Variants in DIAPH2 observed in about 807,000 individuals in gnomAD.
The protein encoded by DIAPH2 is diaphanous related formin 2.
In DIAPH2, 35 loss-of-function variants were observed where a neutral mutation model predicts 92.7. The ratio of observed to expected loss-of-function variants is 0.38; its 90% CI spans 0.29 to 0.50. The LOEUF is 0.50. DIAPH2 is among the 20% of genes least tolerant of loss of function. DIAPH2 has a pLI of 0.94. For missense variants in DIAPH2, 701 were observed against 819.5 expected, an observed-to-expected ratio of 0.86 and a Z score of 1.77; for synonymous variants, 301 against 280.4, an observed-to-expected ratio of 1.07 and a Z score of -0.73.
chrX:97,016,578 G>T (rs1329857578), intron 17 of DIAPH2, among the ~76,000 whole-genome samples: 1 of 111,693 alleles, frequency 9.0e-6, no homozygotes, highest in Non-Finnish European at 1.9e-5. Flanking sequence ...GACATGTCAG[G>T]ATATGGAAAG....
At chrX:96,845,026 G>A (rs1414767465) in intron 4 of DIAPH2, among the ~76,000 whole-genome samples, 5 of 111,797 alleles carry the variant, frequency 4.5e-5, no homozygotes, top group Non-Finnish European at 7.5e-5. Context: ...CATATGGGCT[G>A]GTCTCACTTA....
intron 21 of DIAPH2, 75 bp downstream of exon 21, chrX:97,115,040 A>G (rs1050876079): frequency 2.0e-6 from 2 of 990,197 alleles, no homozygotes; most frequent in Admixed American, 6.2e-5. Context: ...GCAAATAGCA[A>G]TCGTACATAA....
At chrX:96,991,603 T>A (rs1036906580) in intron 17 of DIAPH2, among the ~76,000 whole-genome samples, 4 of 108,936 alleles carry the variant, frequency 3.7e-5, no homozygotes, top group Non-Finnish European at 7.6e-5. Context: ...AATATTATTT[T>A]CTCTTTAACT....
intron 23 of DIAPH2, among the ~76,000 whole-genome samples, chrX:97,324,503 TTTTCA>T (rs1224735299): frequency 8.9e-6 from 1 of 112,348 alleles, no homozygotes; most frequent in Non-Finnish European, 1.9e-5. Flanking sequence ...GAATTTTTGC[TTTTCA>T]TCTCATGCGT....
chrX:97,512,111 A>G (rs1388958711), intron 26 of DIAPH2, among the ~76,000 whole-genome samples: 40 of 112,812 alleles, frequency 3.5e-4, no homozygotes, highest in Non-Finnish European at 6.0e-4. Flanking sequence ...TACCTCTGGT[A>G]GAATTCGGCT....
intron 4 of DIAPH2, among the ~76,000 whole-genome samples, chrX:96,769,003 A>G (rs1284195371): frequency 9.0e-6 from 1 of 111,190 alleles, no homozygotes; most frequent in Non-Finnish European, 1.9e-5. Context: ...AGCAGTGGAA[A>G]TTGGAGAGGT....
intron 24 of DIAPH2, among the ~76,000 whole-genome samples, chrX:97,373,535 T>G (rs111872242): frequency 0.018 from 1,885 of 107,505 alleles, 44 homozygotes; most frequent in African/African-American, 0.06. Context: ...TAGGGGGTTA[T>G]TTTTTAAGGT....
intron 16 of DIAPH2, among the ~76,000 whole-genome samples, chrX:96,959,537 G>C (rs1165175922): frequency 8.9e-6 from 1 of 112,111 alleles, no homozygotes; most frequent in Non-Finnish European, 1.9e-5. Context: ...TTGTTGGATA[G>C]TTTGCAGATA....
rs1035163565 is a variant in DIAPH2 at position 97,445,217 on chromosome X, A to C, written c.3241+15472A>C. Reference sequence around the variant, plus strand: ...AACTTCCTGGCAGAGGAAGATGCAAAGCACTGAGAAAATATTATGGGCAAG... The same window carrying C: ...AACTTCCTGGCAGAGGAAGATGCAACGCACTGAGAAAATATTATGGGCAAG... On this transcript the variant is annotated intron_variant, in intron 26 of 26. Coordinates refer to ENST00000324765, the MANE Select transcript of DIAPH2 (RefSeq NM_006729.5). 4.5e-5 allele frequency among the ~76,000 whole-genome samples: 5 copies of C among 111,172 alleles called. No homozygotes were observed. In the Admixed American group the frequency reaches 4.8e-4, roughly 11 times the overall value.
At chrX:97,468,005 G>T (rs2023873914) in intron 26 of DIAPH2, among the ~76,000 whole-genome samples, 1 of 111,810 alleles carries the variant, frequency 8.9e-6, no homozygotes, top group Admixed American at 9.5e-5. Flanking sequence ...AATGTGTGAA[G>T]GCTCCCAGGC....
At chrX:96,741,639 C>T (rs2064120555) in intron 3 of DIAPH2, among the ~76,000 whole-genome samples, 1 of 109,709 alleles carries the variant, frequency 9.1e-6, no homozygotes, top group South Asian at 4.0e-4. Flanking sequence ...CACCACCATA[C>T]CCAGCTAATC....
chrX:96,767,869 T>C (rs1006043671), intron 4 of DIAPH2, among the ~76,000 whole-genome samples: 9 of 111,999 alleles, frequency 8.0e-5, no homozygotes, highest in African/African-American at 2.9e-4. Context: ...ATTTTAAAGA[T>C]TTAATAAAAT....
At chrX:97,048,114 A>G (rs1452064522) in intron 17 of DIAPH2, among the ~76,000 whole-genome samples, 1 of 110,821 alleles carries the variant, frequency 9.0e-6, no homozygotes, top group African/African-American at 3.3e-5. Flanking sequence ...TGCAAGATTA[A>G]GAATACTACA....
intron 26 of DIAPH2, among the ~76,000 whole-genome samples, chrX:97,564,731 C>G (rs2071315198): frequency 9.0e-6 from 1 of 111,601 alleles, no homozygotes; most frequent in African/African-American, 3.3e-5. Context: ...ATTGCAGAAA[C>G]AAATGGGGAA....
intron 19 of DIAPH2, among the ~76,000 whole-genome samples, chrX:97,091,700 A>G (rs1292950828): frequency 9.0e-6 from 1 of 111,534 alleles, no homozygotes; most frequent in Non-Finnish European, 1.9e-5. Context: ...TCTCAGCACT[A>G]TGAAGAGATT....
intron 9 of DIAPH2, among the ~76,000 whole-genome samples, chrX:96,921,297 A>G (rs1322528589): frequency 9.0e-6 from 1 of 111,240 alleles, no homozygotes; most frequent in Non-Finnish European, 1.9e-5. Context: ...CAGGAGTTCA[A>G]GAAATAGGTG....
intron 17 of DIAPH2, among the ~76,000 whole-genome samples, chrX:97,072,207 A>T (rs1408299422): frequency 8.9e-6 from 1 of 111,804 alleles, no homozygotes; most frequent in African/African-American, 3.3e-5. Context: ...GATGGAGGTT[A>T]TGGAAGGCTA....
intron 23 of DIAPH2, among the ~76,000 whole-genome samples, chrX:97,324,057 A>G (rs757539303): frequency 9.0e-6 from 1 of 111,547 alleles, no homozygotes; most frequent in South Asian, 3.8e-4. Flanking sequence ...ACCAACTTTA[A>G]GTGAAGCAGC....
intron 25 of DIAPH2, among the ~76,000 whole-genome samples, chrX:97,391,894 A>G (rs1281151013): frequency 2.7e-5 from 3 of 111,651 alleles, no homozygotes; most frequent in Non-Finnish European, 5.6e-5. Context: ...AAAACCAAGC[A>G]GCCAGAGAAT....
Sources: gnomAD v4.1 joint callset for allele counts (sites outside exome capture counted in the v4.1 genomes callset) on GRCh38, gnomAD v4.1.1 for gene constraint, MANE v1.5 for transcripts, NCBI Gene and HGNC (gene_info 2026-07-23, HGNC 2026-07-21) for gene names.